NCOR1: variants seen among roughly 807,000 people sequenced by gnomAD.
NCOR1 encodes nuclear receptor corepressor 1.
In NCOR1, 63 loss-of-function variants were observed where a neutral mutation model predicts 288.1. The observed-to-expected ratio is 0.22, with a 90% CI of 0.18 to 0.27. NCOR1 has a LOEUF of 0.27. Among genes scored for constraint, NCOR1 ranks in the 10% least tolerant of loss-of-function variants. The pLI, the probability that NCOR1 is intolerant of heterozygous loss-of-function variation, is 1.00. For synonymous variants in NCOR1, 1,007 were observed against 1,065.9 expected (o/e 0.94, Z 1.08); for missense variants, 2,397 against 3,019.2 (o/e 0.79, Z 4.83).
chr17:16,169,497 G>C (rs2082704369), intron 4 of NCOR1, among the ~76,000 whole-genome samples: 1 of 152,078 alleles, frequency 6.6e-6, no homozygotes, highest in Non-Finnish European at 1.5e-5. Flanking sequence ...CTTACTTCTG[G>C]AGGTGGGCAG....
rs748575443 is a variant in NCOR1, at chr17:16,149,547, T to G, written c.843-30A>C. 1.3e-5 allele frequency: 16 copies of G among 1,202,788 alleles called. No homozygotes were observed. In the African/African-American group the frequency reaches 2.3e-4, roughly 18 times the overall value. The allele number at this position is 1,202,788 out of a possible 1,614,324, so 74.5% of individuals were successfully genotyped here. A position where few individuals can be genotyped will look rare whatever the true frequency, so the allele number is the denominator to read the frequency against. On this transcript the variant is annotated intron_variant, in intron 8 of 45. Transcript: ENST00000268712. The stretch of plus-strand genomic sequence containing the variant: ...AAGAGAAAAATATGGTTGCATGACA[T>G]TAAGAAAAAGCACAATTTAATAATG...
chr17:16,131,458 T>C (rs2075626159), intron 14 of NCOR1, among the ~76,000 whole-genome samples: 1 of 152,152 alleles, frequency 6.6e-6, no homozygotes, highest in African/African-American at 2.4e-5. Context: ...TATATATATG[T>C]GCTAATTATA....
At chr17:16,084,052 A>G (rs1470299645) in intron 23 of NCOR1, 1 of 152,204 alleles carries the variant, frequency 6.6e-6, no homozygotes, top group African/African-American at 2.4e-5. Flanking sequence ...GGGGGCAAAA[A>G]AAGAAAAAAA....
At chr17:16,207,058 A>G (rs1302727011) in intron 1 of NCOR1, among the ~76,000 whole-genome samples, 8 of 152,202 alleles carry the variant, frequency 5.3e-5, no homozygotes, top group Non-Finnish European at 1.0e-4. Context: ...TACATCAGGT[A>G]TATTTACGTT....
At chr17:16,156,314 T>C (rs1294552543) in intron 6 of NCOR1, among the ~76,000 whole-genome samples, 1 of 151,870 alleles carries the variant, frequency 6.6e-6, no homozygotes, top group Non-Finnish European at 1.5e-5. Context: ...CTCACACCTG[T>C]AATCCCAGTT....
intron 31 of NCOR1, among the ~76,000 whole-genome samples, chr17:16,069,734 G>C (rs767278827): frequency 6.6e-6 from 1 of 152,152 alleles, no homozygotes; most frequent in Non-Finnish European, 1.5e-5. Flanking sequence ...TACAGATCAG[G>C]AAACTAAGCT....
intron 23 of NCOR1, among the ~76,000 whole-genome samples, chr17:16,081,440 G>A (rs932189498): frequency 6.7e-6 from 1 of 149,982 alleles, no homozygotes; most frequent in African/African-American, 2.4e-5. Context: ...TGGGCTTTGT[G>A]GCATTTTAAC....
chr17:16,140,806 G>A (rs918923471), intron 11 of NCOR1, among the ~76,000 whole-genome samples: 1 of 138,400 alleles, frequency 7.2e-6, no homozygotes, highest in Non-Finnish European at 1.6e-5. Flanking sequence ...AGAGCGAGAC[G>A]CCATCTCAAA....
rs770770049 is a variant in NCOR1 at position 16,108,931 on chromosome 17, T to C, written c.2056-19A>G. On this transcript the variant is annotated intron_variant, in intron 18 of 45. Coordinates refer to ENST00000268712, the MANE Select transcript of NCOR1 (RefSeq NM_006311.4). ...GTGAAGTCTAAAGGAGGAAAGAGTA[T>C]TATTTGATTTAAATAACTAAAAAGA... 1.3e-6 allele frequency: 2 copies of C among 1,534,120 alleles called. No homozygotes were observed. The highest frequency in any genetic ancestry group is 1.8e-6 in the Non-Finnish European group (2 of 1,142,692).
chr17:16,129,574 G>A (rs1056419468), intron 14 of NCOR1, among the ~76,000 whole-genome samples: 3 of 152,148 alleles, frequency 2.0e-5, no homozygotes, highest in Non-Finnish European at 4.4e-5. Flanking sequence ...AATTGGGCAA[G>A]TTTTACTCAG....
chr17:16,165,714 C>T (rs2081892415), intron 4 of NCOR1, among the ~76,000 whole-genome samples: 1 of 152,156 alleles, frequency 6.6e-6, no homozygotes, highest in Non-Finnish European at 1.5e-5. Flanking sequence ...TTTCATAAAG[C>T]CCACACTACA....
Position 16,163,925 on chromosome 17 carries a change from G to T in NCOR1, c.618+1054C>A, listed in dbSNP as rs543247115. Among the ~76,000 whole-genome samples, 395 of 152,264 alleles carry T rather than the reference G, an allele frequency of 2.6e-3. 3 individuals carry two copies. Among genetic ancestry groups the T allele is most frequent in the African/African-American group, 9.0e-3 (373 of 41,548 alleles). The stretch of plus-strand genomic sequence containing the variant: ...GGTCACATATGATTCTGTTTTTTCT[G>T]ATATTTGGCACATGCTAGTCCATAG... On this transcript the variant is annotated intron_variant, in intron 5 of 45. Coordinates refer to ENST00000268712, the MANE Select transcript of NCOR1 (RefSeq NM_006311.4).
chr17:16,098,573 A>G (rs1326117689), intron 20 of NCOR1, 77 bp from the exon 21 acceptor site: 1 of 1,330,210 alleles, frequency 7.5e-7, no homozygotes, highest in Non-Finnish European at 1.0e-6. Context: ...AAGTTCTTCT[A>G]AGTTAGTATG....
At chr17:16,170,107 C>CTGTGTGTG (rs61345864) in intron 4 of NCOR1, among the ~76,000 whole-genome samples, 3,711 of 147,588 alleles carry the variant, frequency 0.025, 55 homozygotes, top group African/African-American at 0.035. Flanking sequence ...TATTTGCTTT[C>CTGTGTGTG]TGTGTGTGTG....
Position 16,065,502 on chromosome 17 carries a change from G to A in NCOR1, c.4934C>T (p.Pro1645Leu). Reference protein sequence around the residue: ...LSPREQPLGLPYPATRGIIDL... With the variant: ...LSPREQPLGLLYPATRGIIDL... ...ACACACACCTCTCGTTGCTGGGTATGGGAGACCCAGTGGCTGCTCTCTTGG... is the reference window on the plus strand; with the variant it reads ...ACACACACCTCTCGTTGCTGGGTATAGGAGACCCAGTGGCTGCTCTCTTGG... The change falls in exon 33 of 46, where the codon CCA becomes CTA. Residue 1645 changes from proline (P) to leucine (L), a missense_variant. By Grantham distance (98) the Pro-to-Leu change is moderately conservative. Around this residue, in one of 11 missense-constraint regions of NCOR1, gnomAD observed 1,872 missense variants for 2,187.8 expected, o/e 0.86. Coordinates refer to ENST00000268712, the MANE Select transcript of NCOR1 (RefSeq NM_006311.4). 6.2e-7 allele frequency: 1 copy of A among 1,614,174 alleles called. No individual in the cohort carries two copies. The highest frequency in any genetic ancestry group is 8.5e-7 in the Non-Finnish European group (1 of 1,180,044).
intron 14 of NCOR1, among the ~76,000 whole-genome samples, chr17:16,127,622 T>C: frequency 6.8e-6 from 1 of 147,170 alleles, no homozygotes; most frequent in African/African-American, 2.5e-5. Flanking sequence ...TGTATGTGTA[T>C]ATATACATAT....
chr17:16,061,419 A>C lies in NCOR1; in HGVS notation c.5863T>G (p.Ser1955Ala). The change falls in exon 37 of 46, where the codon TCA becomes GCA. Residue 1955 changes from serine (S) to alanine (A), a missense_variant. Ser to Ala is a moderately conservative substitution (Grantham distance 99). This residue lies in a region of NCOR1 where 1,872 missense variants were observed against 2,187.8 expected (regional missense o/e 0.86). Transcript: ENST00000268712. ...KDARERGSQS[S>A]DSSSSLSSHR... ...TACATACAGCTACTAGAAGAGTCTGAACTTTGAGAGCCACGTTCCCTCGCA... is the reference window on the plus strand; with the variant it reads ...TACATACAGCTACTAGAAGAGTCTGCACTTTGAGAGCCACGTTCCCTCGCA... The C allele has an allele frequency of 6.2e-7, 1 of 1,614,156 alleles. No individual in the cohort carries two copies. The highest frequency in any genetic ancestry group is 8.5e-7 in the Non-Finnish European group (1 of 1,180,000).
Position 16,186,660 on chromosome 17 carries a change from A to C in NCOR1, c.136T>G (p.Ser46Ala). ...QEFAVPDYRSSHLEVSQASQL... is the reference protein window; with the variant it reads ...QEFAVPDYRSAHLEVSQASQL... ...GATGCCTGACTCACTTCAAGATGAGAGGAACGATAATCAGGGACTGCGAAC... is the reference window on the plus strand; with the variant it reads ...GATGCCTGACTCACTTCAAGATGAGCGGAACGATAATCAGGGACTGCGAAC... Residue 46 changes from serine to alanine, a missense_variant, in exon 3 of 46, where the codon TCT (serine) becomes GCT (alanine). By Grantham distance (99) the Ser-to-Ala change is moderately conservative. Coordinates refer to ENST00000268712, the MANE Select transcript of NCOR1 (RefSeq NM_006311.4). 6.2e-7 allele frequency: 1 copy of C among 1,613,754 alleles called. No individual in the cohort carries two copies. The highest frequency in any genetic ancestry group is 8.5e-7 in the Non-Finnish European group (1 of 1,179,790).
At chr17:16,210,720 T>C (rs1031384503) in intron 1 of NCOR1, among the ~76,000 whole-genome samples, 24 of 152,026 alleles carry the variant, frequency 1.6e-4, no homozygotes, top group Non-Finnish European at 2.9e-4. Context: ...TCATTTCCTA[T>C]TCACTCCAAT....
Sources: gnomAD v4.1 joint callset for allele counts (sites outside exome capture counted in the v4.1 genomes callset) on GRCh38, gnomAD v4.1.1 for gene constraint, gnomAD v4.1.1 regional missense constraint, MANE v1.5 for transcripts, NCBI Gene and HGNC (gene_info 2026-07-23, HGNC 2026-07-21) for gene names.